Variants in RHBDL2 observed in about 807,000 individuals in gnomAD.
RHBDL2 encodes the protein rhomboid like 2.
A neutral mutation model predicts 31.7 loss-of-function variants in RHBDL2; 26 were observed. The ratio of observed to expected loss-of-function variants is 0.82; its 90% confidence interval spans 0.60 to 1.14. The LOEUF (loss-of-function observed/expected upper bound fraction) is 1.14. RHBDL2 is among the 50% of genes most tolerant of loss of function. The probability of loss-of-function intolerance (pLI) is 0.00; values close to 1 mark genes in which losing one functional copy is unlikely to be tolerated. For synonymous variants in RHBDL2, 123 were observed against 127.2 expected (o/e 0.97, Z 0.22); for missense variants, 336 against 364.4 (o/e 0.92, Z 0.63).
Position 38,903,105 on chromosome 1 carries a change from T to A in RHBDL2, c.509-7036A>T, listed in dbSNP as rs12095413. On this transcript the variant is annotated intron_variant, in intron 4 of 7. Coordinates refer to ENST00000372990, the MANE Select transcript of RHBDL2 (RefSeq NM_017821.5). Reference sequence around the variant, plus strand: ...TATATACAAAATATACCAAAAAGTATATATTTTCATGCTGTAACAATGAAG... The same window carrying A: ...TATATACAAAATATACCAAAAAGTAAATATTTTCATGCTGTAACAATGAAG... 1.8e-3 allele frequency among the ~76,000 whole-genome samples: 280 copies of A among 152,292 alleles called. 2 individuals carry two copies. Among genetic ancestry groups the A allele is most frequent in the African/African-American group, 6.2e-3 (258 of 41,556 alleles).
At chr1:38,932,302 T>C (rs551168930) in intron 1 of RHBDL2, among the ~76,000 whole-genome samples, 5 of 151,916 alleles carry the variant, frequency 3.3e-5, no homozygotes, top group Admixed American at 3.3e-4. Context: ...GACCTATGAA[T>C]GGAACCTTCT....
intron 1 of RHBDL2, among the ~76,000 whole-genome samples, chr1:38,925,446 G>T (rs1643364465): frequency 6.6e-6 from 1 of 152,048 alleles, no homozygotes; most frequent in Admixed American, 6.6e-5. Flanking sequence ...TGCAGTGGGA[G>T]GCGGAGGTTG....
chr1:38,905,086 C>A (rs926384320), intron 4 of RHBDL2, among the ~76,000 whole-genome samples: 1 of 149,338 alleles, frequency 6.7e-6, no homozygotes, highest in South Asian at 2.2e-4. Flanking sequence ...AACGTCTCCT[C>A]TCCAAAAGAT....
chr1:38,909,949 A>G (rs961566915), intron 4 of RHBDL2, among the ~76,000 whole-genome samples: 5 of 152,172 alleles, frequency 3.3e-5, no homozygotes, highest in African/African-American at 4.8e-5. Flanking sequence ...AACAACTCAG[A>G]TAACCTTCAA....
chr1:38,923,286 A>G (rs550857947), intron 1 of RHBDL2, among the ~76,000 whole-genome samples: 1 of 152,346 alleles, frequency 6.6e-6, no homozygotes, highest in East Asian at 1.9e-4. Context: ...ATTTGAGCAC[A>G]TACACAATGG....
chr1:38,911,247 A>G (rs1643137238), intron 4 of RHBDL2, 75 bp downstream of exon 4: 27 of 950,912 alleles, frequency 2.8e-5, no homozygotes, highest in South Asian at 2.7e-4. Context: ...GAAGCCTACT[A>G]TAAGTGTGTA....
chr1:38,905,747 C>CAA (rs1175802957), intron 4 of RHBDL2, among the ~76,000 whole-genome samples: 1 of 68,696 alleles, frequency 1.5e-5, no homozygotes, highest in Admixed American at 1.9e-4. Context: ...GACTCTGTCT[C>CAA]AAGAAAAAAA....
Position 38,903,929 on chromosome 1 carries a change from C to T in RHBDL2, c.508+7393G>A, listed in dbSNP as rs72925174. Among the ~76,000 whole-genome samples, 860 of 152,224 alleles carry T rather than the reference C, an allele frequency of 5.6e-3. 8 individuals are homozygous for T. Among genetic ancestry groups the T allele is most frequent in the African/African-American group, 0.019 (799 of 41,538 alleles). On this transcript the variant is annotated intron_variant, in intron 4 of 7. Transcript: ENST00000372990. ...ACACACTCATATATACAAACAACAA[C>T]TTCAACAAAGATACAAAAGCAATTT...
At chr1:38,918,912 T>C in intron 2 of RHBDL2, 55 bp downstream of exon 2, 1 of 1,576,606 alleles carries the variant, frequency 6.3e-7, no homozygotes, top group South Asian at 1.2e-5. Flanking sequence ...ACCCCTAGTT[T>C]GTTCCCAGCT....
In RHBDL2 at chr1:38,915,644, T is replaced by C. The variant is rs754656003; in HGVS notation, c.313A>G (p.Ile105Val). ...QKQWITLDTG[I>V]LESPFIYSPE... ...CTGTAGATAAAGGGACTCTCCAAGA[T>C]GCCTGTGTCCAACGTGATCCACTGT... Residue 105 changes from isoleucine to valine, a missense_variant, in exon 3 of 8, where the codon ATC becomes GTC. Ile to Val is a conservative substitution (Grantham distance 29). Transcript: ENST00000372990. 3.7e-6 allele frequency: 6 copies of C among 1,614,156 alleles called. No individual in the cohort carries two copies.
rs188844713 is a variant in RHBDL2, at chr1:38,895,701, G to A, written c.609+268C>T. ...CACCTGTAGTCCCAGCTATTTAGGA[G>A]GCTGAGGTGGGAGGATTGCTTGAGC... On this transcript the variant is annotated intron_variant, in intron 5 of 7. Transcript: ENST00000372990. 2.9e-3 allele frequency among the ~76,000 whole-genome samples: 435 copies of A among 152,284 alleles called. 1 individual carries two copies. Among genetic ancestry groups the A allele is most frequent in the Non-Finnish European group, 3.6e-3 (247 of 68,026 alleles).
At chr1:38,888,618 G>A (rs957022098) in intron 6 of RHBDL2, among the ~76,000 whole-genome samples, 4 of 152,166 alleles carry the variant, frequency 2.6e-5, no homozygotes, top group Admixed American at 2.6e-4. Flanking sequence ...GCAGGAATGT[G>A]CCTGGTGTGT....
chr1:38,929,571 A>G (rs1643417552), intron 1 of RHBDL2: 1 of 1,288,132 alleles, frequency 7.8e-7, no homozygotes, highest in Non-Finnish European at 1.0e-6. Context: ...CCACCCATTC[A>G]TTGGTACCAG....
At chr1:38,933,210 A>G (rs767903451) in intron 1 of RHBDL2, among the ~76,000 whole-genome samples, 7 of 152,030 alleles carry the variant, frequency 4.6e-5, no homozygotes. Context: ...GGAATACACC[A>G]AATCTTCTCC....
In RHBDL2 at chr1:38,912,883, C is replaced by CATATATATATATATATAT. The variant is rs141150431; in HGVS notation, c.396-1467_396-1450dup. 5.1e-4 allele frequency among the ~76,000 whole-genome samples: 54 copies of CATATATATATATATATAT among 106,598 alleles called. 1 individual carries two copies. Among genetic ancestry groups the CATATATATATATATATAT allele is most frequent in the African/African-American group, 2.5e-3 (51 of 20,420 alleles). The allele number at this position is 106,598 out of a possible 152,430, so 69.9% of individuals were successfully genotyped here. A position where few individuals can be genotyped will look rare whatever the true frequency, so the allele number is the denominator to read the frequency against. ...AGGAAGCTAAGTAACTACCATATACCATATATATATATATATATATATATA... is the reference window on the plus strand; with the variant it reads ...AGGAAGCTAAGTAACTACCATATACCATATATATATATATATATATATATATATATATATATATATATA... On this transcript the variant is annotated intron_variant, in intron 3 of 7. Coordinates refer to ENST00000372990, the MANE Select transcript of RHBDL2 (RefSeq NM_017821.5).
chr1:38,887,848 T>G, intron 7 of RHBDL2, 115 bp downstream of exon 7: 1 of 704,550 alleles, frequency 1.4e-6, no homozygotes, highest in Non-Finnish European at 2.4e-6. Flanking sequence ...AAAATTTTCT[T>G]AACTTCCAAA....
intron 1 of RHBDL2, among the ~76,000 whole-genome samples, chr1:38,933,255 C>T (rs1417798638): frequency 1.3e-5 from 2 of 152,088 alleles, no homozygotes; most frequent in Non-Finnish European, 2.9e-5. Context: ...GTTCCTTCTA[C>T]CTAGCCCTCT....
In RHBDL2 at chr1:38,885,860, A is replaced by G. The variant is rs1642775841; in HGVS notation, c.*644T>C. 6.5e-6 allele frequency: 1 copy of G among 152,678 alleles called. No homozygotes were observed. The highest frequency in any genetic ancestry group is 2.1e-4 in the South Asian group (1 of 4,830). 9.5% of individuals were successfully genotyped at this position (152,678 alleles called of 1,614,324 possible). Reference sequence around the variant, plus strand: ...TTGTACAGTATTCATAGATTTTATGAAGCATTCTCCAAAATATATCCTCCA... The same window carrying G: ...TTGTACAGTATTCATAGATTTTATGGAGCATTCTCCAAAATATATCCTCCA... On this transcript the variant is annotated 3_prime_UTR_variant, in exon 8 of 8. Coordinates refer to ENST00000372990, the MANE Select transcript of RHBDL2 (RefSeq NM_017821.5).
intron 1 of RHBDL2, among the ~76,000 whole-genome samples, chr1:38,921,677 T>A (rs1462960189): frequency 6.6e-6 from 1 of 152,146 alleles, no homozygotes; most frequent in Non-Finnish European, 1.5e-5. Context: ...AAATAAAGGC[T>A]TTTTCTCTCC....
Sources: gnomAD v4.1 joint callset for allele counts (sites outside exome capture counted in the v4.1 genomes callset) on GRCh38, gnomAD v4.1.1 for gene constraint, MANE v1.5 for transcripts, NCBI Gene and HGNC (gene_info 2026-07-23, HGNC 2026-07-21) for gene names.